The following ZBTB20 variants were observed in gnomAD, a reference collection of about 807,000 sequenced individuals.
ZBTB20 encodes the protein zinc finger and BTB domain-containing protein 20.
ZBTB20 carries 9 observed loss-of-function variants against 56.9 expected under a neutral mutation model. That is an observed-to-expected ratio of 0.16 (90% CI 0.10 to 0.28). ZBTB20 has a LOEUF of 0.28. Ranked by LOEUF, ZBTB20 falls within the 10% of genes least tolerant of loss-of-function variation. ZBTB20 has a pLI of 1.00. For missense variants in ZBTB20, 655 were observed against 1,003.0 expected, an observed-to-expected ratio of 0.65 and a Z score of 4.69; for synonymous variants, 417 against 420.7, an observed-to-expected ratio of 0.99 and a Z score of 0.11.
chr3:115,080,040 T>C (rs1392328812), intron 1 of ZBTB20, among the ~76,000 whole-genome samples: 1 of 152,202 alleles, frequency 6.6e-6, no homozygotes, highest in African/African-American at 2.4e-5. Context: ...CCCAAATTTA[T>C]ATGTTGAAAC....
Position 114,327,613 on chromosome 3 carries a change from A to G in ZBTB20, c.*11392T>C, listed in dbSNP as rs1432662313. The G allele has an allele frequency of 1.3e-5, 2 of 152,170 alleles. No individual in the cohort carries two copies. The highest frequency in any genetic ancestry group is 2.4e-5 in the African/African-American group (1 of 41,444). 9.4% of individuals were successfully genotyped at this position (152,170 alleles called of 1,614,324 possible). On this transcript the variant is annotated 3_prime_UTR_variant, in exon 12 of 12. Coordinates refer to ENST00000675478, the MANE Select transcript of ZBTB20 (RefSeq NM_001348800.3). The stretch of plus-strand genomic sequence containing the variant: ...CCTCATAAAGGCTTTCAAAACTGCT[A>G]TTTATTTCATTGTTCTCTATGGTGT...
chr3:114,774,594 C>G (rs2069450376), intron 5 of ZBTB20, among the ~76,000 whole-genome samples: 1 of 152,094 alleles, frequency 6.6e-6, no homozygotes, highest in Non-Finnish European at 1.5e-5. Context: ...GCAAATTAAT[C>G]CCCATTTTAT....
intron 7 of ZBTB20, among the ~76,000 whole-genome samples, chr3:114,480,417 T>G (rs1456988584): frequency 6.6e-6 from 1 of 152,238 alleles, no homozygotes; most frequent in Non-Finnish European, 1.5e-5. Flanking sequence ...AGATACTTGC[T>G]TTTGAAATAA....
intron 2 of ZBTB20, among the ~76,000 whole-genome samples, chr3:115,012,573 C>T (rs947900828): frequency 1.3e-5 from 2 of 151,686 alleles, no homozygotes; most frequent in South Asian, 4.1e-4. Context: ...ACAAAGCAAA[C>T]ATTTTTATAG....
chr3:114,769,596 T>TA, intron 5 of ZBTB20, among the ~76,000 whole-genome samples: 1 of 121,008 alleles, frequency 8.3e-6, no homozygotes, highest in African/African-American at 3.0e-5. Context: ...TATATATATA[T>TA]AATGGAATAC....
intron 6 of ZBTB20, among the ~76,000 whole-genome samples, chr3:114,521,981 G>A (rs766018601): frequency 7.2e-5 from 11 of 152,032 alleles, no homozygotes; most frequent in Admixed American, 1.3e-4. Flanking sequence ...TATGTGCCAG[G>A]CTCTGTACTA....
At chr3:114,531,978 C>T (rs771242486) in intron 6 of ZBTB20, among the ~76,000 whole-genome samples, 4 of 152,222 alleles carry the variant, frequency 2.6e-5, no homozygotes, top group Admixed American at 6.5e-5. Flanking sequence ...CTTTTCTCAC[C>T]GTCTTCACAA....
chr3:115,123,976 C>G lies in ZBTB20; in HGVS notation c.-703+23243G>C, dbSNP rs78834978. On this transcript the variant is annotated intron_variant, in intron 1 of 11. Transcript: ENST00000675478. Reference sequence around the variant, plus strand: ...CAAGCTACCAAGCCACCTGACCACTCTTGGCCTTTGTTTCCTCATCAATAA... The same window carrying G: ...CAAGCTACCAAGCCACCTGACCACTGTTGGCCTTTGTTTCCTCATCAATAA... Among the ~76,000 whole-genome samples the G allele has an allele frequency of 4.0e-3, 606 of 152,280 alleles. 3 individuals carry two copies. The highest frequency in any genetic ancestry group is 0.014 in the African/African-American group (567 of 41,560).
chr3:115,137,225 A>G (rs1034383895), intron 1 of ZBTB20, among the ~76,000 whole-genome samples: 1 of 152,082 alleles, frequency 6.6e-6, no homozygotes, highest in Non-Finnish European at 1.5e-5. Flanking sequence ...CTTTGACTGC[A>G]TTCAGATGAT....
chr3:114,759,636 T>A (rs954301555), intron 5 of ZBTB20, among the ~76,000 whole-genome samples: 1 of 152,122 alleles, frequency 6.6e-6, no homozygotes, highest in Non-Finnish European at 1.5e-5. Flanking sequence ...GTATGAGTTA[T>A]GAGTGTCAGA....
chr3:114,330,117 T>C lies in ZBTB20; in HGVS notation c.*8888A>G, dbSNP rs1469776901. On this transcript the variant is annotated 3_prime_UTR_variant, in exon 12 of 12. Transcript: ENST00000675478. ...AGATCACTTTGAATATGAACCTCTT[T>C]GTATTAGTCACACCAACAAAAAAGT... is the stretch of plus-strand genomic sequence containing the variant. 2.0e-5 allele frequency: 3 copies of C among 152,242 alleles called. No individual in the cohort carries two copies. The highest frequency in any genetic ancestry group is 2.0e-4 in the Admixed American group (3 of 15,286). The allele number at this position is 152,242 out of a possible 1,614,324, so 9.4% of individuals were successfully genotyped here.
chr3:114,328,504 A>G lies in ZBTB20; in HGVS notation c.*10501T>C, dbSNP rs2079132173. The G allele has an allele frequency of 6.6e-6, 1 of 150,682 alleles. No homozygotes were observed. The highest frequency in any genetic ancestry group is 1.5e-5 in the Non-Finnish European group (1 of 67,352). The allele number at this position is 150,682 out of a possible 1,614,324, so 9.3% of individuals were successfully genotyped here. On this transcript the variant is annotated 3_prime_UTR_variant, in exon 12 of 12. Coordinates refer to ENST00000675478, the MANE Select transcript of ZBTB20 (RefSeq NM_001348800.3). ...AAGAACCTGAACACTGTGGTATTTA[A>G]AAAAAAAACAGAAAATATTTTTCTC... is the stretch of plus-strand genomic sequence containing the variant.
chr3:114,660,234 G>A (rs1361318867), intron 6 of ZBTB20, among the ~76,000 whole-genome samples: 5 of 152,230 alleles, frequency 3.3e-5, no homozygotes, highest in East Asian at 3.9e-4. Context: ...TGACAGGGCC[G>A]TCCTGTTTCT....
chr3:114,431,058 A>G (rs2090083946), intron 7 of ZBTB20, among the ~76,000 whole-genome samples: 2 of 152,296 alleles, frequency 1.3e-5, no homozygotes, highest in South Asian at 4.1e-4. Context: ...GTGCCCCTCC[A>G]TCCACACAAA....
At chr3:114,959,584 G>A (rs748457101) in intron 3 of ZBTB20, among the ~76,000 whole-genome samples, 2 of 152,018 alleles carry the variant, frequency 1.3e-5, no homozygotes, top group Non-Finnish European at 2.9e-5. Flanking sequence ...GTTTTTTGTT[G>A]TTTTGTTTGT....
intron 5 of ZBTB20, among the ~76,000 whole-genome samples, chr3:114,764,247 CTCTCT>C (rs2068631255): frequency 2.2e-5 from 2 of 91,846 alleles, no homozygotes; most frequent in Admixed American, 3.1e-4. Flanking sequence ...CTCTCTCTCT[CTCTCT>C]TTTTTTTTTT....
intron 5 of ZBTB20, among the ~76,000 whole-genome samples, chr3:114,755,690 C>T (rs373462496): frequency 3.3e-5 from 5 of 151,802 alleles, no homozygotes; most frequent in Admixed American, 6.6e-5. Flanking sequence ...AAACACATGC[C>T]CTGGGATTAA....
At chr3:114,353,761 T>G (rs1174729770) in intron 10 of ZBTB20, among the ~76,000 whole-genome samples, 1 of 152,222 alleles carries the variant, frequency 6.6e-6, no homozygotes, top group Non-Finnish European at 1.5e-5. Context: ...GGGTTACAGT[T>G]CTAACTGCTT....
At chr3:114,815,800 G>A (rs151020455) in intron 4 of ZBTB20, among the ~76,000 whole-genome samples, 44 of 152,090 alleles carry the variant, frequency 2.9e-4, no homozygotes, top group Admixed American at 2.3e-3. Flanking sequence ...TAATATGGAG[G>A]TTAGAAGTAG....
Sources: allele counts gnomAD v4.1 joint callset (sites outside exome capture counted in the v4.1 genomes callset), GRCh38; gene constraint gnomAD v4.1.1; transcripts MANE v1.5; gene names NCBI Gene and HGNC (gene_info 2026-07-23, HGNC 2026-07-21).